The following GNG7 variants were observed in gnomAD, a reference collection of about 807,000 sequenced individuals.
GNG7 encodes G protein subunit gamma 7, also known as guanine nucleotide-binding protein G(I)/G(S)/G(O) subunit gamma-7.
GNG7 carries 1 observed loss-of-function variant against 4.0 expected under a neutral mutation model. That is an observed-to-expected ratio of 0.25 (90% CI 0.09 to 1.18). The LOEUF is 1.18. Among genes scored for constraint, GNG7 ranks in the 50% most tolerant of loss-of-function variants. The pLI is 0.50. For missense variants in GNG7, 86 were observed against 91.9 expected (o/e 0.94, Z 0.26); for synonymous variants, 34 against 36.9 (o/e 0.92, Z 0.29).
intron 3 of GNG7, among the ~76,000 whole-genome samples, chr19:2,525,671 G>C (rs1248781738): frequency 6.6e-6 from 1 of 152,200 alleles, no homozygotes; most frequent in African/African-American, 2.4e-5. Flanking sequence ...GGGACCCCCA[G>C]GGAGCAGCCG....
intron 1 of GNG7, among the ~76,000 whole-genome samples, chr19:2,648,867 CAT>C (rs994336614): frequency 7.3e-5 from 11 of 150,148 alleles, no homozygotes; most frequent in East Asian, 5.8e-4. Flanking sequence ...AACTCTGAAT[CAT>C]GTGTTTTTTT....
chr19:2,553,821 TGTAC>T (rs1979448501), intron 3 of GNG7, among the ~76,000 whole-genome samples: 1 of 99,890 alleles, frequency 1.0e-5, no homozygotes, highest in Non-Finnish European at 2.2e-5. Context: ...ATCACATACA[TGTAC>T]ATATTATATG....
intron 2 of GNG7, among the ~76,000 whole-genome samples, chr19:2,583,939 TATG>T (rs1288846351): frequency 1.3e-5 from 2 of 152,206 alleles, no homozygotes; most frequent in Non-Finnish European, 2.9e-5. Flanking sequence ...AGTGTGATTC[TATG>T]ATTATTCAGA....
intron 1 of GNG7, among the ~76,000 whole-genome samples, chr19:2,650,183 C>CTTTTTTTTTTTTTTTTTTTT: frequency 7.9e-6 from 1 of 126,006 alleles, no homozygotes. Flanking sequence ...TCATAGGAAT[C>CTTTTTTTTTTTTTTTTTTTT]TTTTTTTTTT....
chr19:2,683,641 C>G (rs1389422175), intron 1 of GNG7: 1 of 152,364 alleles, frequency 6.6e-6, no homozygotes, highest in Admixed American at 6.5e-5. Context: ...TGACATCAGA[C>G]AGGGAGAAGA....
chr19:2,614,061 A>AG lies in GNG7; in HGVS notation c.-78+32162dup, dbSNP rs1363807115. Among the ~76,000 whole-genome samples the AG allele has an allele frequency of 6.6e-6, 1 of 152,196 alleles. No individual in the cohort carries two copies. The highest frequency in any genetic ancestry group is 1.5e-5 in the Non-Finnish European group (1 of 68,022). On this transcript the variant is annotated intron_variant, in intron 2 of 4. Coordinates refer to ENST00000382159, the MANE Select transcript of GNG7 (RefSeq NM_052847.3). The surrounding 1 kb of genome is among the most constrained non-coding windows in gnomAD (Gnocchi z 6.0). Reference sequence around the variant, plus strand: ...GGCCCCGCGCCTACCCCCGGGGTAAAGGGGGCCAGCCTCGCACAGGTGGGT... The same window carrying AG: ...GGCCCCGCGCCTACCCCCGGGGTAAAGGGGGGCCAGCCTCGCACAGGTGGGT...
intron 2 of GNG7, among the ~76,000 whole-genome samples, chr19:2,597,010 G>A (rs963486189): frequency 1.4e-4 from 22 of 152,144 alleles, no homozygotes; most frequent in African/African-American, 4.8e-4. Context: ...TGCAATCCCA[G>A]CACTTTTGGA....
At chr19:2,620,430 T>A (rs1981839035) in intron 2 of GNG7, among the ~76,000 whole-genome samples, 1 of 151,806 alleles carries the variant, frequency 6.6e-6, no homozygotes, top group Non-Finnish European at 1.5e-5. Flanking sequence ...CCGGGAAACC[T>A]GCCACCCCAG....
rs1978859224 is a variant in GNG7 at position 2,539,171 on chromosome 19, CAAAT to C, written c.-38+15974_-38+15977del. Reference sequence around the variant, plus strand: ...TTCATATATTGCATGTTCCTGTAAACAAATGAACTATAAACTGCGTTGCAAAGCA... The same window carrying C: ...TTCATATATTGCATGTTCCTGTAAACGAACTATAAACTGCGTTGCAAAGCA... On this transcript the variant is annotated intron_variant, in intron 3 of 4. Transcript: ENST00000382159. 2.0e-5 allele frequency among the ~76,000 whole-genome samples: 3 copies of C among 152,238 alleles called. No individual in the cohort carries two copies. The South Asian group carries it at 6.2e-4, about 32-fold the overall frequency.
intron 3 of GNG7, among the ~76,000 whole-genome samples, chr19:2,521,617 T>TTTTTG (rs530861159): frequency 0.073 from 10,396 of 141,540 alleles, 669 homozygotes; most frequent in Non-Finnish European, 0.11. Context: ...TCCGTGTTTT[T>TTTTTG]TTTTTTTTTT....
chr19:2,594,843 C>T (rs577332671), intron 2 of GNG7, among the ~76,000 whole-genome samples: 72 of 152,088 alleles, frequency 4.7e-4, no homozygotes, highest in South Asian at 1.9e-3. Flanking sequence ...AATGGCCCGG[C>T]GTGGTGGCTC....
chr19:2,525,971 A>AGTTTTT (rs1978380235), intron 3 of GNG7, among the ~76,000 whole-genome samples: 1 of 75,684 alleles, frequency 1.3e-5, no homozygotes, highest in Non-Finnish European at 2.3e-5. Flanking sequence ...CTCCACGCCA[A>AGTTTTT]TTTTTTTTTT....
chr19:2,697,932 AC>A (rs2144917506), intron 1 of GNG7, among the ~76,000 whole-genome samples: 1 of 151,680 alleles, frequency 6.6e-6, no homozygotes, highest in Admixed American at 6.6e-5. Context: ...AGATGGCGCC[AC>A]TGCACTCCAG....
At chr19:2,681,954 G>T (rs547997307) in intron 1 of GNG7, among the ~76,000 whole-genome samples, 1 of 152,126 alleles carries the variant, frequency 6.6e-6, no homozygotes, top group Non-Finnish European at 1.5e-5. Flanking sequence ...CTGTTGCCCA[G>T]GCTGGAGTGC....
chr19:2,644,113 C>T (rs1481989942), intron 2 of GNG7, among the ~76,000 whole-genome samples: 2 of 151,774 alleles, frequency 1.3e-5, no homozygotes, highest in African/African-American at 2.4e-5. Context: ...CTCCGTCTCC[C>T]GCGTTCAAGC....
Position 2,638,563 on chromosome 19 carries a change from G to T in GNG7, c.-78+7661C>A, listed in dbSNP as rs536457533. Among the ~76,000 whole-genome samples the T allele has an allele frequency of 3.1e-3, 395 of 128,738 alleles. 4 individuals are homozygous for T. The highest frequency in any genetic ancestry group is 0.011 in the African/African-American group (369 of 33,934). The allele number at this position is 128,738 out of a possible 152,430, so 84.5% of individuals were successfully genotyped here. A position where few individuals can be genotyped will look rare whatever the true frequency, so the allele number is the denominator to read the frequency against. On this transcript the variant is annotated intron_variant, in intron 2 of 4. Coordinates refer to ENST00000382159, the MANE Select transcript of GNG7 (RefSeq NM_052847.3). The stretch of plus-strand genomic sequence containing the variant: ...GAGGAGAAGGGAAGGGGGAGGGGAG[G>T]GGAAGGGAAGGGAGAAAGAAAGAGT...
chr19:2,541,501 G>A (rs544352841), intron 3 of GNG7, among the ~76,000 whole-genome samples: 13 of 152,074 alleles, frequency 8.5e-5, no homozygotes, highest in African/African-American at 2.7e-4. Flanking sequence ...TTGGGAGGCC[G>A]AGGTGGGTGG....
Position 2,512,568 on chromosome 19 carries a change from C to T in GNG7, c.*2454G>A, listed in dbSNP as rs1047083166. 1.1e-5 allele frequency: 2 copies of T among 179,920 alleles called. No individual in the cohort carries two copies. The highest frequency in any genetic ancestry group is 2.1e-5 in the Non-Finnish European group (2 of 93,358). 11.1% of individuals were successfully genotyped at this position (179,920 alleles called of 1,614,324 possible). ...GAACGCTCAGCCCGTTTAACCCCAC[C>T]ATCTGCACCAGCCTAGGAGCCCCGG... On this transcript the variant is annotated 3_prime_UTR_variant, in exon 5 of 5. Coordinates refer to ENST00000382159, the MANE Select transcript of GNG7 (RefSeq NM_052847.3). The surrounding 1 kb of genome is among the most constrained non-coding windows in gnomAD (Gnocchi z 4.7).
intron 2 of GNG7, among the ~76,000 whole-genome samples, chr19:2,612,109 G>A (rs910720415): frequency 4.6e-5 from 7 of 152,048 alleles, no homozygotes; most frequent in African/African-American, 1.4e-4. Context: ...TCTCAACCTC[G>A]TGATCCGCCT....
Sources: allele counts gnomAD v4.1 joint callset (sites outside exome capture counted in the v4.1 genomes callset), GRCh38; gene constraint gnomAD v4.1.1; non-coding constraint Gnocchi (gnomAD v3.1); transcripts MANE v1.5; gene names NCBI Gene and HGNC (gene_info 2026-07-23, HGNC 2026-07-21).